PTPRK: variants seen among roughly 807,000 people sequenced by gnomAD.
The protein encoded by PTPRK is receptor-type tyrosine-protein phosphatase kappa.
A neutral mutation model predicts 178.0 loss-of-function variants in PTPRK; 75 were observed. That is an observed-to-expected ratio of 0.42 (90% CI 0.35 to 0.51). PTPRK has a LOEUF of 0.51. Ranked by LOEUF, PTPRK falls within the 20% of genes least tolerant of loss-of-function variation. The pLI is 0.02. For missense variants in PTPRK, 1,441 were observed against 1,797.8 expected, an observed-to-expected ratio of 0.80 and a Z score of 3.59; for synonymous variants, 637 against 620.6, an observed-to-expected ratio of 1.03 and a Z score of -0.39.
At chr6:128,361,562 TG>T (rs1834746596) in intron 2 of PTPRK, among the ~76,000 whole-genome samples, 1 of 152,132 alleles carries the variant, frequency 6.6e-6, no homozygotes, top group Admixed American at 6.5e-5. Flanking sequence ...TAAGCATCAT[TG>T]AGTGTTACTC....
intron 1 of PTPRK, among the ~76,000 whole-genome samples, chr6:128,489,718 A>T (rs915262905): frequency 1.3e-5 from 2 of 152,244 alleles, no homozygotes; most frequent in Non-Finnish European, 2.9e-5. Flanking sequence ...TCAGGAAAAG[A>T]GTCCATGTAT....
At chr6:128,026,730 AG>A (rs1774372948) in intron 13 of PTPRK, among the ~76,000 whole-genome samples, 1 of 152,220 alleles carries the variant, frequency 6.6e-6, no homozygotes, top group South Asian at 2.1e-4. Flanking sequence ...TAGTACTTTA[AG>A]GAGGATATTA....
intron 3 of PTPRK, among the ~76,000 whole-genome samples, chr6:128,285,895 T>C (rs1190728026): frequency 6.6e-6 from 1 of 152,086 alleles, no homozygotes; most frequent in Non-Finnish European, 1.5e-5. Context: ...ACCTCAATCC[T>C]TAATCCTGGG....
chr6:128,491,926 T>C (rs953916364), intron 1 of PTPRK: 1 of 449,846 alleles, frequency 2.2e-6, no homozygotes, highest in Non-Finnish European at 4.5e-6. Flanking sequence ...AAACTTCCCC[T>C]GGGAATTGAT....
At chr6:128,472,278 T>G (rs550526908) in intron 1 of PTPRK, among the ~76,000 whole-genome samples, 25 of 152,118 alleles carry the variant, frequency 1.6e-4, no homozygotes, top group Admixed American at 2.6e-4. Flanking sequence ...TTGCTTCTGT[T>G]TATTCACATG....
chr6:128,118,726 C>A (rs924195911), intron 7 of PTPRK, among the ~76,000 whole-genome samples: 2 of 152,108 alleles, frequency 1.3e-5, no homozygotes, highest in Admixed American at 1.3e-4. Context: ...TGAGGGCAAC[C>A]CCAACATTAA....
chr6:128,164,623 T>G (rs1799135546), intron 7 of PTPRK, among the ~76,000 whole-genome samples: 1 of 151,266 alleles, frequency 6.6e-6, no homozygotes. Context: ...AATCTTAAAT[T>G]AATTTCTCCT....
intron 7 of PTPRK, among the ~76,000 whole-genome samples, chr6:128,130,458 C>A (rs1292003247): frequency 2.0e-5 from 3 of 152,012 alleles, no homozygotes; most frequent in Non-Finnish European, 4.4e-5. Context: ...AAGCCTTGCT[C>A]ACCTAACCCT....
intron 7 of PTPRK, among the ~76,000 whole-genome samples, chr6:128,126,024 A>G (rs117908196): frequency 0.025 from 3,873 of 152,152 alleles, 74 homozygotes; most frequent in Middle Eastern, 0.092. Context: ...TTTATGTATA[A>G]AGTGATAGCT....
Position 128,154,076 on chromosome 6 carries a change from A to G in PTPRK, c.1162+30356T>C, listed in dbSNP as rs114514866. Among the ~76,000 whole-genome samples the G allele has an allele frequency of 3.6e-3, 540 of 151,970 alleles. 4 individuals carry two copies. Among genetic ancestry groups the G allele is most frequent in the African/African-American group, 0.013 (523 of 41,560 alleles). On this transcript the variant is annotated intron_variant, in intron 7 of 29. Transcript: ENST00000368226. ...GCCATGATTGTGACAGAAAAATTAA[A>G]GAAGAAGGATAGAAAAAGCTAAGAC... is the stretch of plus-strand genomic sequence containing the variant.
chr6:128,064,945 G>GC (rs1781508782), intron 12 of PTPRK, 151 bp from the exon 13 acceptor site: 3 of 923,454 alleles, frequency 3.2e-6, no homozygotes, highest in Non-Finnish European at 4.4e-6. Flanking sequence ...TAAAAAATAT[G>GC]CCCCCCTAGG....
At chr6:128,375,292 A>G (rs577752546) in intron 2 of PTPRK, among the ~76,000 whole-genome samples, 2 of 151,956 alleles carry the variant, frequency 1.3e-5, no homozygotes, top group South Asian at 2.1e-4. Context: ...ATGGACATAC[A>G]GTTCCACGTG....
rs536765136 is a variant in PTPRK, at chr6:128,379,918, TTTG to T, written c.223+17645_223+17647del. Among the ~76,000 whole-genome samples, 87 of 152,300 alleles carry T rather than the reference TTTG, an allele frequency of 5.7e-4. 2 individuals are homozygous for T. Among genetic ancestry groups the T allele is most frequent in the African/African-American group, 2.1e-3 (86 of 41,576 alleles). On this transcript the variant is annotated intron_variant, in intron 2 of 29. Coordinates refer to ENST00000368226, the MANE Select transcript of PTPRK (RefSeq NM_002844.4). ...TTAATAATATTTGTGTGCTTGTTGGTTTGTTTTTACTTATGTCTTTAATTGTAA... is the reference window on the plus strand; with the variant it reads ...TTAATAATATTTGTGTGCTTGTTGGTTTTTTACTTATGTCTTTAATTGTAA...
rs985118926 is a variant in PTPRK, at chr6:128,508,300, G to C, written c.100+11959C>G. Among the ~76,000 whole-genome samples the C allele has an allele frequency of 4.6e-5, 7 of 152,024 alleles. 1 individual carries two copies. Among genetic ancestry groups the C allele is most frequent in the Non-Finnish European group, 8.8e-5 (6 of 67,988 alleles). On this transcript the variant is annotated intron_variant, in intron 1 of 29. Coordinates refer to ENST00000368226, the MANE Select transcript of PTPRK (RefSeq NM_002844.4). ...CATACCCAAAACCTGGCACAGCATG[G>C]GCACATAGTAAGGTGCTCAAAGATT...
intron 3 of PTPRK, among the ~76,000 whole-genome samples, chr6:128,252,059 T>C (rs1816552039): frequency 6.6e-6 from 1 of 152,128 alleles, no homozygotes; most frequent in Admixed American, 6.5e-5. Context: ...TCCAGGTAAC[T>C]GTAAAAAGTC....
intron 7 of PTPRK, among the ~76,000 whole-genome samples, chr6:128,175,796 C>G (rs1057341431): frequency 6.6e-6 from 1 of 151,722 alleles, no homozygotes; most frequent in African/African-American, 2.4e-5. Flanking sequence ...TACGTAAGCT[C>G]TATGCAGTCT....
At chr6:128,003,287 A>T (rs1778050782) in intron 15 of PTPRK, 1 of 1,452,818 alleles carries the variant, frequency 6.9e-7, no homozygotes, top group Admixed American at 1.9e-5. Context: ...TGTTTTTTAA[A>T]ATCTTTTTTC....
intron 2 of PTPRK, among the ~76,000 whole-genome samples, chr6:128,349,486 C>A (rs1431354610): frequency 2.6e-5 from 4 of 151,772 alleles, no homozygotes; most frequent in Non-Finnish European, 5.9e-5. Flanking sequence ...AATAATTGAA[C>A]AAATGAAATG....
chr6:128,464,839 A>T (rs973716287), intron 1 of PTPRK, among the ~76,000 whole-genome samples: 14 of 144,106 alleles, frequency 9.7e-5, no homozygotes, highest in Admixed American at 2.8e-4. Context: ...ACTGAGATTT[A>T]AAAAAAAAGA....
Sources: allele counts gnomAD v4.1 joint callset (sites outside exome capture counted in the v4.1 genomes callset), GRCh38; gene constraint gnomAD v4.1.1; transcripts MANE v1.5; gene names NCBI Gene and HGNC (gene_info 2026-07-23, HGNC 2026-07-21).